BICRAL: variants seen among roughly 807,000 people sequenced by gnomAD.
BICRAL encodes BRD4-interacting chromatin-remodeling complex-associated protein-like.
Under a neutral mutation model 91.8 loss-of-function variants are expected in BICRAL, and 8 were observed. That is an observed-to-expected ratio of 0.09 (90% CI 0.05 to 0.16). The LOEUF (loss-of-function observed/expected upper bound fraction) is 0.16. Among genes scored for constraint, BICRAL ranks in the 10% least tolerant of loss-of-function variants. The probability of loss-of-function intolerance (pLI) is 1.00; values close to 1 mark genes in which losing one functional copy is unlikely to be tolerated. For missense variants in BICRAL, 1,038 were observed against 1,310.9 expected (o/e 0.79, Z 3.21); for synonymous variants, 445 against 491.1 (o/e 0.91, Z 1.24).
At position 42,783,780 on chromosome 6, in the gene BICRAL, G is replaced by A. The variant is rs116495867; in HGVS notation, c.-102+1679G>A. On this transcript the variant is annotated intron_variant, in intron 1 of 12. Coordinates refer to ENST00000314073, the MANE Select transcript of BICRAL (RefSeq NM_001393499.1). ...GGGGGTCGAGCCTCGCGGCTGATGGGTTCCCTCCCTGACCCCGCACCCCCA... is the reference window on the plus strand; with the variant it reads ...GGGGGTCGAGCCTCGCGGCTGATGGATTCCCTCCCTGACCCCGCACCCCCA... Among the ~76,000 whole-genome samples, 921 of 152,328 alleles carry A rather than the reference G, an allele frequency of 6.0e-3. 10 individuals are homozygous for A. Among genetic ancestry groups the A allele is most frequent in the African/African-American group, 0.021 (890 of 41,582 alleles).
chr6:42,756,301 C>T (rs1762458324), intron 1 of BICRAL, among the ~76,000 whole-genome samples: 1 of 152,184 alleles, frequency 6.6e-6, no homozygotes, highest in Admixed American at 6.6e-5. Flanking sequence ...ACCCCTTCTT[C>T]TCACAGCAGG....
At chr6:42,751,091 AT>A (rs1046246000) in intron 1 of BICRAL, among the ~76,000 whole-genome samples, 5 of 126,216 alleles carry the variant, frequency 4.0e-5, no homozygotes, top group Non-Finnish European at 8.2e-5. Context: ...AAGTTATTTT[AT>A]TTGAATAAGG....
intron 12 of BICRAL, among the ~76,000 whole-genome samples, chr6:42,862,989 T>G (rs1286688824): frequency 2.0e-5 from 3 of 152,044 alleles, no homozygotes; most frequent in Non-Finnish European, 2.9e-5. Context: ...CACTCTTGTG[T>G]AACAGCAGTC....
At position 42,830,089 on chromosome 6, in the gene BICRAL, C is replaced by T. The variant is rs144992246; in HGVS notation, c.1756C>T (p.Arg586Cys). ...TCCAGTACCAGTCAGTGTGTCTCAT[C>T]GTCTTCCAGTTTCTTCTTCCAAGTC... Reference protein sequence around the residue: ...RTPVPVSVSHRLPVSSSKSTS... With the variant: ...RTPVPVSVSHCLPVSSSKSTS... Residue 586 changes from arginine (R) to cysteine (C), a missense_variant, in exon 6 of 13, where the codon CGT becomes TGT. This residue lies in a region of BICRAL where 532 missense variants were observed against 724.9 expected (regional missense o/e 0.73). Coordinates refer to ENST00000314073, the MANE Select transcript of BICRAL (RefSeq NM_001393499.1). 163 of 1,613,992 alleles carry T rather than the reference C, an allele frequency of 1.0e-4. No individual in the cohort carries two copies. Among genetic ancestry groups the T allele is most frequent in the Non-Finnish European group, 1.3e-4 (156 of 1,179,980 alleles).
chr6:42,852,535 G>A (rs1462447247), intron 7 of BICRAL: 6 of 398,624 alleles, frequency 1.5e-5, no homozygotes, highest in Middle Eastern at 1.6e-3. Context: ...GGTGGCACAC[G>A]CCCGTAATCC....
chr6:42,771,899 TTC>T (rs1426468645), intron 1 of BICRAL, among the ~76,000 whole-genome samples: 1 of 152,190 alleles, frequency 6.6e-6, no homozygotes, highest in Admixed American at 6.5e-5. Context: ...TTCTCCAATA[TTC>T]GCATTTCTGC....
intron 1 of BICRAL, among the ~76,000 whole-genome samples, chr6:42,765,507 C>T (rs914945485): frequency 6.6e-6 from 1 of 152,198 alleles, no homozygotes; most frequent in Non-Finnish European, 1.5e-5. Flanking sequence ...TGTGTTTAAA[C>T]ATGGCATGCA....
chr6:42,821,903 C>A, intron 2 of BICRAL, 115 bp from the exon 3 acceptor site: 1 of 591,664 alleles, frequency 1.7e-6, no homozygotes, highest in Non-Finnish European at 3.0e-6. Flanking sequence ...GGAAAACTCA[C>A]GTGAATTACA....
At chr6:42,840,262 A>G (rs1296665337) in intron 6 of BICRAL, among the ~76,000 whole-genome samples, 1 of 150,748 alleles carries the variant, frequency 6.6e-6, no homozygotes, top group East Asian at 1.9e-4. Context: ...TTTGTTTTTG[A>G]GACAGAGTCT....
At chr6:42,749,704 C>T (rs966534681) in intron 1 of BICRAL, among the ~76,000 whole-genome samples, 9 of 151,990 alleles carry the variant, frequency 5.9e-5, no homozygotes, top group Non-Finnish European at 1.3e-4. Context: ...TTTTAAAAAA[C>T]AGTTACCAAC....
chr6:42,837,105 T>C (rs1420220041), intron 6 of BICRAL, among the ~76,000 whole-genome samples: 4 of 151,760 alleles, frequency 2.6e-5, no homozygotes, highest in Non-Finnish European at 4.4e-5. Context: ...CCACCATGCC[T>C]GGCTAATTTT....
intron 1 of BICRAL, among the ~76,000 whole-genome samples, chr6:42,756,880 C>T (rs985533562): frequency 6.0e-5 from 9 of 149,710 alleles, no homozygotes; most frequent in East Asian, 4.0e-4. Flanking sequence ...GGCTCTCGCG[C>T]GCGCGCTCTC....
At chr6:42,803,336 G>A (rs1763626869) in intron 1 of BICRAL, among the ~76,000 whole-genome samples, 1 of 152,150 alleles carries the variant, frequency 6.6e-6, no homozygotes, top group Non-Finnish European at 1.5e-5. Context: ...TGTCTGATTT[G>A]GAGCAGATGT....
At chr6:42,832,391 A>G (rs192616447) in intron 6 of BICRAL, among the ~76,000 whole-genome samples, 28 of 146,598 alleles carry the variant, frequency 1.9e-4, no homozygotes, top group Admixed American at 6.2e-4. Context: ...ATGTATGTAT[A>G]TATATATACA....
chr6:42,754,783 G>A (rs1762436268), intron 1 of BICRAL, among the ~76,000 whole-genome samples: 1 of 152,202 alleles, frequency 6.6e-6, no homozygotes. Context: ...TATAGTTGCA[G>A]CTATTCAGGA....
At chr6:42,770,376 G>C (rs1244117465) in intron 1 of BICRAL, among the ~76,000 whole-genome samples, 5 of 149,100 alleles carry the variant, frequency 3.4e-5, no homozygotes, top group African/African-American at 1.2e-4. Flanking sequence ...TTACAGGCAC[G>C]TGCCACCATG....
intron 6 of BICRAL, among the ~76,000 whole-genome samples, chr6:42,847,900 C>T (rs1476261260): frequency 3.3e-5 from 5 of 151,996 alleles, no homozygotes; most frequent in South Asian, 2.1e-4. Context: ...AAGGCCGAGG[C>T]GGGCGGATCA....
chr6:42,842,718 A>G (rs745342468), intron 6 of BICRAL, among the ~76,000 whole-genome samples: 28 of 152,184 alleles, frequency 1.8e-4, no homozygotes, highest in Non-Finnish European at 3.4e-4. Context: ...CCCACTAGGT[A>G]CATAACCACT....
chr6:42,832,425 T>A lies in BICRAL; in HGVS notation c.1839+2253T>A, dbSNP rs1347192301. Among the ~76,000 whole-genome samples the A allele has an allele frequency of 2.0e-5, 3 of 147,204 alleles. No individual in the cohort carries two copies. In the Admixed American group the frequency reaches 2.1e-4, roughly 10 times the overall value. ...CATATATATGTATATATATAATATA[T>A]TATGTATTTATATATATATTAATGT... On this transcript the variant is annotated intron_variant, in intron 6 of 12. Coordinates refer to ENST00000314073, the MANE Select transcript of BICRAL (RefSeq NM_001393499.1).
Sources: allele counts gnomAD v4.1 joint callset (sites outside exome capture counted in the v4.1 genomes callset), GRCh38; gene constraint gnomAD v4.1.1; regional missense constraint gnomAD v4.1.1; transcripts MANE v1.5; gene names NCBI Gene and HGNC (gene_info 2026-07-23, HGNC 2026-07-21).